ENGASE: variants seen among roughly 807,000 people sequenced by gnomAD.
The protein encoded by ENGASE is endo-beta-N-acetylglucosaminidase.
A neutral mutation model predicts 78.5 loss-of-function variants in ENGASE; 69 were observed. The ratio of observed to expected loss-of-function variants is 0.88; its 90% CI spans 0.72 to 1.07. The LOEUF is 1.07. Ranked by LOEUF, ENGASE falls within the 50% of genes least tolerant of loss-of-function variation. The pLI is 0.00. For synonymous variants in ENGASE, 408 were observed against 408.9 expected, an observed-to-expected ratio of 1.00 and a Z score of 0.03; for missense variants, 943 against 988.4, an observed-to-expected ratio of 0.95 and a Z score of 0.62.
At chr17:79,079,314 C>G (rs1376147583) in intron 3 of ENGASE, among the ~76,000 whole-genome samples, 175 bp from the exon 4 acceptor site, 1 of 152,152 alleles carries the variant, frequency 6.6e-6, no homozygotes, top group Non-Finnish European at 1.5e-5. Context: ...CAGGTGTGCA[C>G]CACCACACCT....
rs1351589523 is a variant in ENGASE, at chr17:79,080,316, G to GT, written c.681dup (p.Arg228SerfsTer3). On this transcript the variant is annotated frameshift_variant, in exon 5 of 14. Transcript: ENST00000579016. LOFTEE classifies it high-confidence loss of function. ...CTGACCGGCTGGTCCAGATCACTCA[G>GT]TTTTTTCGTTTTGATGGCTGGCTGA... 15 of 1,613,920 alleles carry GT rather than the reference G, an allele frequency of 9.3e-6. No homozygotes were observed. The highest frequency in any genetic ancestry group is 1.2e-5 in the Non-Finnish European group (14 of 1,179,994).
In ENGASE at chr17:79,074,896, G is replaced by C; in HGVS notation, c.-49G>C. On this transcript the variant is annotated 5_prime_UTR_variant, in exon 1 of 14. Coordinates refer to ENST00000579016, the MANE Select transcript of ENGASE (RefSeq NM_001042573.3). ...CTTCCCATTGGCCGAGCGCGGCGCG[G>C]GGGCGGGCCCGGGCCTGCGATTGCC... is the stretch of plus-strand genomic sequence containing the variant. 1 of 1,246,890 alleles carries C rather than the reference G, an allele frequency of 8.0e-7. No individual in the cohort carries two copies. The highest frequency in any genetic ancestry group is 1.0e-6 in the Non-Finnish European group (1 of 994,528). 77.2% of individuals were successfully genotyped at this position (1,246,890 alleles called of 1,614,324 possible).
chr17:79,084,107 A>T, intron 10 of ENGASE, 156 bp downstream of exon 10: 1 of 656,474 alleles, frequency 1.5e-6, no homozygotes. Flanking sequence ...CATTAACGTG[A>T]AATTCACCAT....
intron 3 of ENGASE, among the ~76,000 whole-genome samples, chr17:79,078,656 C>T (rs772682650): frequency 1.3e-5 from 2 of 152,218 alleles, no homozygotes; most frequent in Non-Finnish European, 1.5e-5. Flanking sequence ...CCGTGGAGTC[C>T]GCGCGGCGCT....
At chr17:79,078,896 C>G (rs560807015) in intron 3 of ENGASE, among the ~76,000 whole-genome samples, 5 of 152,168 alleles carry the variant, frequency 3.3e-5, no homozygotes, top group Non-Finnish European at 7.3e-5. Flanking sequence ...TCCTGCTTCC[C>G]CTCCTTTCTC....
intron 12 of ENGASE, 114 bp from the exon 13 acceptor site, chr17:79,085,506 T>A: frequency 6.9e-7 from 1 of 1,459,836 alleles, no homozygotes; most frequent in South Asian, 1.3e-5. Context: ...CGGCCTGGGG[T>A]CCCCCATGAC....
At chr17:79,085,154 C>A in intron 11 of ENGASE, 80 bp from the exon 12 acceptor site, 1 of 1,151,438 alleles carries the variant, frequency 8.7e-7, no homozygotes, top group Non-Finnish European at 1.3e-6. Context: ...CTCTGGACTC[C>A]TGGGGCGCCC....
rs2073118019 is a variant in ENGASE at position 79,080,947 on chromosome 17, C to T, written c.746C>T (p.Pro249Leu). 6.2e-7 allele frequency: 1 copy of T among 1,613,106 alleles called. No individual in the cohort carries two copies. Reference sequence around the variant, plus strand: ...CAGCTGGCCGCTGTGGGGAACATGCCTCCTTTCCTGCGGTACCTCACCACA... The same window carrying T: ...CAGCTGGCCGCTGTGGGGAACATGCTTCCTTTCCTGCGGTACCTCACCACA... ...SLSLAAVGNM[P>L]PFLRYLTTQL... is the part of the protein sequence containing the mutation. The change falls in exon 6 of 14, where the codon CCT becomes CTT. Residue 249 changes from proline (P) to leucine (L), a missense_variant. By Grantham distance (98) the Pro-to-Leu change is moderately conservative. Transcript: ENST00000579016.
chr17:79,084,236 C>T, intron 10 of ENGASE: 1 of 519,364 alleles, frequency 1.9e-6, no homozygotes, highest in Non-Finnish European at 3.3e-6. Context: ...ACATTAGCCC[C>T]CCATCCTCCC....
chr17:79,075,023 G>T lies in ENGASE; in HGVS notation c.79G>T (p.Glu27Ter). ...RRQLQGLAAPEAGTQEEQEDQ... is the reference protein window; with the variant it reads ...RRQLQGLAAP ...GCAGCTGCAGGGGCTGGCGGCCCCG[G>T]AGGCGGGGACGCAGGAGGAGCAGGA... Residue 27 changes from glutamate to a stop codon, truncating the protein, a stop_gained, in exon 1 of 14, where the codon GAG becomes TAG. Coordinates refer to ENST00000579016, the MANE Select transcript of ENGASE (RefSeq NM_001042573.3). LOFTEE classifies it high-confidence loss of function. 1 of 1,210,202 alleles carries T rather than the reference G, an allele frequency of 8.3e-7. No homozygotes were observed. Among genetic ancestry groups the T allele is most frequent in the Non-Finnish European group, 1.0e-6 (1 of 971,590 alleles). The allele number at this position is 1,210,202 out of a possible 1,614,324, so 75.0% of individuals were successfully genotyped here.
intron 1 of ENGASE, among the ~76,000 whole-genome samples, chr17:79,076,845 G>A (rs1051258048): frequency 6.6e-6 from 1 of 152,150 alleles, no homozygotes; most frequent in African/African-American, 2.4e-5. Context: ...TGGTATTGGG[G>A]TGGCTGCTTT....
At chr17:79,077,524 G>A (rs1439548983) in intron 2 of ENGASE, 27 bp downstream of exon 2, 8 of 1,546,696 alleles carry the variant, frequency 5.2e-6, no homozygotes, top group South Asian at 3.8e-5. Context: ...TCTGAATACC[G>A]ATCCACCTTC....
intron 1 of ENGASE, among the ~76,000 whole-genome samples, chr17:79,076,946 C>T (rs766892344): frequency 1.3e-5 from 2 of 152,316 alleles, no homozygotes; most frequent in Non-Finnish European, 2.9e-5. Context: ...AGTCCCGGCT[C>T]ACTGCAACCT....
rs2073154638 is a variant in ENGASE at position 79,082,001 on chromosome 17, T to C, written c.976T>C (p.Tyr326His). The change falls in exon 7 of 14, where the codon TAC becomes CAC. Residue 326 changes from tyrosine (Y) to histidine (H), a missense_variant. Tyr to His is a moderately conservative substitution (Grantham distance 83). Transcript: ENST00000579016. ...GQAGERRADV[Y>H]VGVDVFARGN... The stretch of plus-strand genomic sequence containing the variant: ...GGCTGGGGAGCGCCGGGCTGATGTG[T>C]ACGTGGGCGTGGATGTGTTTGCTCG... The C allele has an allele frequency of 6.2e-7, 1 of 1,614,238 alleles. No individual in the cohort carries two copies. The highest frequency in any genetic ancestry group is 1.3e-5 in the African/African-American group (1 of 75,072).
rs1454715952 is a variant in ENGASE at position 79,080,355 on chromosome 17, C to G, written c.714C>G (p.Asn238Lys). 1.2e-6 allele frequency: 2 copies of G among 1,613,304 alleles called. No individual in the cohort carries two copies. Among genetic ancestry groups the G allele is most frequent in the Admixed American group, 3.3e-5 (2 of 60,004 alleles). ...RFDGWLINIE[N>K]SLSLAAVGNM... ...ATGGCTGGCTGATCAACATCGAGAA[C>G]TCGCTGAGTGTGAGTGCCCAGCCCT... The change falls in exon 5 of 14, where the codon AAC becomes AAG. Residue 238 changes from asparagine (N) to lysine (K), a missense_variant. Asn to Lys is a moderately conservative substitution (Grantham distance 94). Coordinates refer to ENST00000579016, the MANE Select transcript of ENGASE (RefSeq NM_001042573.3).
chr17:79,078,772 C>T (rs946823135), intron 3 of ENGASE, among the ~76,000 whole-genome samples: 1 of 152,224 alleles, frequency 6.6e-6, no homozygotes, highest in African/African-American at 2.4e-5. Flanking sequence ...ACCTTGGGCG[C>T]AGCTCACAGG....
At position 79,075,092 on chromosome 17, in the gene ENGASE, T is replaced by C. The variant is rs1599328031; in HGVS notation, c.146+2T>C. ...GCGGCGGCGGCGGCCGGGAAGGAGG[T>C]GGGGCTGCGGGGCCCGCGTGAACCC... On this transcript the variant is annotated splice_donor_variant, in intron 1 of 13. Coordinates refer to ENST00000579016, the MANE Select transcript of ENGASE (RefSeq NM_001042573.3). LOFTEE classifies it high-confidence loss of function. 3 of 1,206,308 alleles carry C rather than the reference T, an allele frequency of 2.5e-6. No homozygotes were observed. The highest frequency in any genetic ancestry group is 3.1e-6 in the Non-Finnish European group (3 of 971,396). 74.7% of individuals were successfully genotyped at this position (1,206,308 alleles called of 1,614,324 possible).
chr17:79,082,757 G>A, intron 7 of ENGASE: 2 of 1,452,684 alleles, frequency 1.4e-6, no homozygotes, highest in Non-Finnish European at 1.8e-6. Context: ...GGACCGCGCA[G>A]CCACAGCCAG....
At chr17:79,081,345 A>G (rs2073131231) in intron 6 of ENGASE, among the ~76,000 whole-genome samples, 1 of 152,186 alleles carries the variant, frequency 6.6e-6, no homozygotes. Context: ...TACTGAAAAT[A>G]CAAAAAATTA....
Sources: gnomAD v4.1 joint callset for allele counts (sites outside exome capture counted in the v4.1 genomes callset) on GRCh38, gnomAD v4.1.1 for gene constraint, MANE v1.5 for transcripts, NCBI Gene and HGNC (gene_info 2026-07-23, HGNC 2026-07-21) for gene names.